TTC7A: variants seen among roughly 807,000 people sequenced by gnomAD.
TTC7A encodes tetratricopeptide repeat protein 7A.
A neutral mutation model predicts 103.7 loss-of-function variants in TTC7A; 110 were observed. The ratio of observed to expected loss-of-function variants is 1.06; its 90% CI spans 0.91 to 1.24. The LOEUF (loss-of-function observed/expected upper bound fraction) is 1.24. TTC7A is among the 50% of genes most tolerant of loss of function. The pLI is 0.00. For missense variants in TTC7A, 1,340 were observed against 1,116.3 expected (o/e 1.20, Z -2.86); for synonymous variants, 521 against 467.9 (o/e 1.11, Z -1.47).
chr2:47,003,495 G>A (rs914664294), intron 8 of TTC7A, among the ~76,000 whole-genome samples: 2 of 152,168 alleles, frequency 1.3e-5, no homozygotes, highest in South Asian at 2.1e-4. Context: ...AGAGAAGCCC[G>A]CCAGTTAGGC....
At chr2:47,011,802 T>C (rs1488823975) in intron 11 of TTC7A, among the ~76,000 whole-genome samples, 2 of 152,234 alleles carry the variant, frequency 1.3e-5, no homozygotes, top group Non-Finnish European at 2.9e-5. Context: ...GCATCCAATC[T>C]GCAAGGGCCT....
chr2:47,018,376 A>C (rs1268330675), intron 11 of TTC7A, among the ~76,000 whole-genome samples: 3 of 151,990 alleles, frequency 2.0e-5, no homozygotes, highest in Non-Finnish European at 2.9e-5. Flanking sequence ...TGAGCTCAGG[A>C]GTTCGAGACC....
At chr2:46,979,439 C>G (rs1017888797) in intron 5 of TTC7A, among the ~76,000 whole-genome samples, 4 of 152,114 alleles carry the variant, frequency 2.6e-5, no homozygotes, top group African/African-American at 9.7e-5. Context: ...GCTGTCCCTG[C>G]TGACGAAGCA....
chr2:47,046,531 G>T, intron 16 of TTC7A, 100 bp downstream of exon 16: 1 of 879,436 alleles, frequency 1.1e-6, no homozygotes, highest in Non-Finnish European at 1.9e-6. Flanking sequence ...GGGGAGGAGA[G>T]TGAGGCTTTT....
rs1229503344 is a variant in TTC7A, at chr2:46,975,048, C to T, written c.593C>T (p.Thr198Ile). Reference sequence around the variant, plus strand: ...ACAGAGAGGGAGGAGGAAGTGATCACCTGTTTTGAGAGGGCCTCCTGGATC... The same window carrying T: ...ACAGAGAGGGAGGAGGAAGTGATCATCTGTTTTGAGAGGGCCTCCTGGATC... ...RLTEREEEVI[T>I]CFERASWIAQ... is the part of the protein sequence containing the mutation. The change falls in exon 4 of 20, where the codon ACC (threonine) becomes ATC (isoleucine). Residue 198 changes from threonine (T) to isoleucine (I), a missense_variant. Coordinates refer to ENST00000319190, the MANE Select transcript of TTC7A (RefSeq NM_020458.4). 1.2e-6 allele frequency: 2 copies of T among 1,614,022 alleles called. No individual in the cohort carries two copies. The highest frequency in any genetic ancestry group is 1.7e-6 in the Non-Finnish European group (2 of 1,179,948).
At chr2:46,943,309 G>A (rs1015155662) in intron 1 of TTC7A, among the ~76,000 whole-genome samples, 2 of 152,190 alleles carry the variant, frequency 1.3e-5, no homozygotes, top group African/African-American at 2.4e-5. Context: ...GTCATATAAT[G>A]TGTATGTGGT....
chr2:46,915,936 A>T, upstream of TTC7A: 1 of 985,088 alleles, frequency 1.0e-6, no homozygotes, highest in South Asian at 4.7e-5. Flanking sequence ...TCCACGTGTA[A>T]TCGGCCCGGG....
intron 2 of TTC7A, among the ~76,000 whole-genome samples, chr2:46,954,664 C>T (rs181480420): frequency 1.9e-3 from 284 of 151,154 alleles, no homozygotes; most frequent in Middle Eastern, 3.4e-3. Context: ...CTCCGCCTCC[C>T]GGGTTCAAGC....
intron 3 of TTC7A, among the ~76,000 whole-genome samples, chr2:46,966,502 C>T (rs1490780397): frequency 6.6e-6 from 1 of 151,926 alleles, no homozygotes; most frequent in Non-Finnish European, 1.5e-5. Context: ...CAATACACCT[C>T]TATGTCACTG....
intron 6 of TTC7A, chr2:46,994,101 T>G (rs1005122285): frequency 8.5e-6 from 4 of 471,254 alleles, no homozygotes; most frequent in Non-Finnish European, 1.5e-5. Flanking sequence ...GAGGAAATGC[T>G]CCTCTTGTCT....
chr2:46,951,472 G>C (rs1671398576), intron 2 of TTC7A: 5 of 430,858 alleles, frequency 1.2e-5, no homozygotes, highest in Admixed American at 7.5e-5. Flanking sequence ...AAACTCAAAA[G>C]AGGAGGGGGA....
chr2:46,977,576 T>A (rs1183220700), intron 4 of TTC7A, among the ~76,000 whole-genome samples: 3 of 152,196 alleles, frequency 2.0e-5, no homozygotes, highest in African/African-American at 7.2e-5. Flanking sequence ...CGTTCCATGC[T>A]TGTTTGAGAG....
At chr2:47,013,205 G>T (rs925598082) in intron 11 of TTC7A, among the ~76,000 whole-genome samples, 1 of 152,196 alleles carries the variant, frequency 6.6e-6, no homozygotes, top group Non-Finnish European at 1.5e-5. Flanking sequence ...GGATACAGGA[G>T]GGCCAAAACC....
In TTC7A at chr2:46,994,330, G is replaced by A. The variant is rs1048447993; in HGVS notation, c.844-27G>A. 5.0e-6 allele frequency: 8 copies of A among 1,601,804 alleles called. No individual in the cohort carries two copies. In the African/African-American group the frequency reaches 1.1e-4, roughly 21 times the overall value. On this transcript the variant is annotated intron_variant, in intron 6 of 19. Transcript: ENST00000319190. ...TGGGGTAGAGCTGACAACTGTGCCTGGGTCCGAGTGCTTCCCTCTCTGCCA... is the reference window on the plus strand; with the variant it reads ...TGGGGTAGAGCTGACAACTGTGCCTAGGTCCGAGTGCTTCCCTCTCTGCCA...
chr2:46,954,645 C>G (rs773356453), intron 2 of TTC7A, among the ~76,000 whole-genome samples: 7 of 145,970 alleles, frequency 4.8e-5, no homozygotes, highest in Non-Finnish European at 1.0e-4. Flanking sequence ...GATCTTGGCT[C>G]ACTGCAACCT....
chr2:47,070,886 C>T (rs918949056), intron 19 of TTC7A, among the ~76,000 whole-genome samples: 1 of 152,196 alleles, frequency 6.6e-6, no homozygotes, highest in Non-Finnish European at 1.5e-5. Context: ...GGCAGCACAG[C>T]CATGGCATCT....
In TTC7A at chr2:46,950,440, T is replaced by C. The variant is rs749883233; in HGVS notation, c.262T>C (p.Ser88Pro). 4.0e-5 allele frequency: 65 copies of C among 1,614,036 alleles called. No homozygotes were observed. Among genetic ancestry groups the C allele is most frequent in the Non-Finnish European group, 5.4e-5 (64 of 1,180,044 alleles). The change falls in exon 2 of 20, where the codon TCC (serine) becomes CCC (proline). Residue 88 changes from serine to proline, a missense_variant. Transcript: ENST00000319190. ...LKENHAKIKD[S>P]MPLLEKNEPK... ...GGAGAACCATGCCAAAATAAAAGAC[T>C]CCATGCCTTTGCTGGAGAAGAATGA... is the stretch of plus-strand genomic sequence containing the variant.
At chr2:46,966,628 G>T (rs1672873524) in intron 3 of TTC7A, among the ~76,000 whole-genome samples, 1 of 150,274 alleles carries the variant, frequency 6.7e-6, no homozygotes, top group African/African-American at 2.4e-5. Flanking sequence ...TACTGAAATG[G>T]ATATCCTTGA....
chr2:46,950,735 C>T (rs538356979), intron 2 of TTC7A, among the ~76,000 whole-genome samples: 28 of 152,148 alleles, frequency 1.8e-4, no homozygotes, highest in Non-Finnish European at 3.8e-4. Context: ...AAGTATAAAG[C>T]ATACACAAGG....
Sources: allele counts gnomAD v4.1 joint callset (sites outside exome capture counted in the v4.1 genomes callset), GRCh38; gene constraint gnomAD v4.1.1; transcripts MANE v1.5; gene names NCBI Gene and HGNC (gene_info 2026-07-23, HGNC 2026-07-21).